The following ARHGEF11 variants were observed in gnomAD, a reference collection of about 807,000 sequenced individuals.
ARHGEF11 encodes Rho guanine exchange factor (GEF) 11.
A neutral mutation model predicts 193.7 loss-of-function variants in ARHGEF11; 55 were observed. The observed-to-expected ratio is 0.28, with a 90% CI of 0.23 to 0.36. The LOEUF (loss-of-function observed/expected upper bound fraction) is 0.36, where lower values mean the gene tolerates loss of function less well. ARHGEF11 is among the 10% of genes least tolerant of loss of function. The probability of loss-of-function intolerance (pLI) is 1.00; values close to 1 mark genes in which losing one functional copy is unlikely to be tolerated. For synonymous variants in ARHGEF11, 693 were observed against 768.0 expected (o/e 0.90, Z 1.62); for missense variants, 1,723 against 2,005.6 (o/e 0.86, Z 2.69).
intron 7 of ARHGEF11, among the ~76,000 whole-genome samples, chr1:156,973,015 ATT>A (rs765832257): frequency 6.6e-5 from 10 of 152,010 alleles, no homozygotes; most frequent in Non-Finnish European, 1.5e-4. Flanking sequence ...CCACTGCCCC[ATT>A]TGTTTCCCCT....
At chr1:157,010,752 T>G (rs188501189) in intron 1 of ARHGEF11, among the ~76,000 whole-genome samples, 110 of 152,042 alleles carry the variant, frequency 7.2e-4, no homozygotes, top group African/African-American at 2.5e-3. Context: ...AATACAAAAA[T>G]GAAATTAAGA....
At chr1:156,969,249 G>A (rs767417571) in intron 10 of ARHGEF11, 33 bp downstream of exon 10, 32 of 1,560,158 alleles carry the variant, frequency 2.1e-5, no homozygotes, top group Admixed American at 7.4e-5. Context: ...CCGAATGCAC[G>A]TTCTGAATGG....
intron 1 of ARHGEF11, among the ~76,000 whole-genome samples, chr1:156,991,483 C>G (rs1325279758): frequency 6.6e-6 from 1 of 151,832 alleles, no homozygotes; most frequent in Non-Finnish European, 1.5e-5. Context: ...CCACGCCTGG[C>G]TAATTTTCGT....
intron 11 of ARHGEF11, among the ~76,000 whole-genome samples, chr1:156,963,948 GC>G (rs1381224451): frequency 6.6e-6 from 1 of 152,144 alleles, no homozygotes; most frequent in Non-Finnish European, 1.5e-5. Context: ...TGGGTTGGGG[GC>G]TGTTTTACTT....
chr1:156,994,230 C>T (rs774527411), intron 1 of ARHGEF11, among the ~76,000 whole-genome samples: 10 of 152,162 alleles, frequency 6.6e-5, no homozygotes, highest in Admixed American at 3.9e-4. Flanking sequence ...CAGCTGAGTT[C>T]CAGCACAGTG....
At chr1:157,024,493 A>T (rs1670410516) in intron 1 of ARHGEF11, among the ~76,000 whole-genome samples, 1 of 152,244 alleles carries the variant, frequency 6.6e-6, no homozygotes, top group Non-Finnish European at 1.5e-5. Flanking sequence ...AGGGATTATT[A>T]TGATACAAAA....
rs1657874885 is a variant in ARHGEF11 at position 156,945,110 on chromosome 1, G to A, written c.2900C>T (p.Thr967Ile). ...GCCCTCTAAACGGTGGCGGTTCTCTGTTTGTTTTACCGCTTCATTCACATA... is the reference window on the plus strand; with the variant it reads ...GCCCTCTAAACGGTGGCGGTTCTCTATTTGTTTTACCGCTTCATTCACATA... ...LKYVNEAVKQ[T>I]ENRHRLEGYQ... The change falls in exon 30 of 41, where the codon ACA becomes ATA. Residue 967 changes from threonine (T) to isoleucine (I), a missense_variant. Physicochemically the swap from Thr to Ile is moderately conservative, Grantham distance 89 (BLOSUM62 -1). Coordinates refer to ENST00000368194, the MANE Select transcript of ARHGEF11 (RefSeq NM_198236.3). 6.2e-7 allele frequency: 1 copy of A among 1,614,072 alleles called. No homozygotes were observed. The highest frequency in any genetic ancestry group is 8.5e-7 in the Non-Finnish European group (1 of 1,180,034).
At chr1:156,949,125 C>T in intron 22 of ARHGEF11, 1 of 985,050 alleles carries the variant, frequency 1.0e-6, no homozygotes, top group Non-Finnish European at 1.2e-6. Flanking sequence ...CTTAACAATA[C>T]TGTTCCTAAG....
At chr1:156,940,455 A>G in intron 35 of ARHGEF11, 30 bp from the exon 36 acceptor site, 4 of 1,574,360 alleles carry the variant, frequency 2.5e-6, no homozygotes, top group Non-Finnish European at 2.6e-6. Context: ...ATTGTAAGGC[A>G]GGGAAAGGGA....
chr1:157,013,214 A>G (rs1668754431), intron 1 of ARHGEF11, among the ~76,000 whole-genome samples: 1 of 139,808 alleles, frequency 7.2e-6, no homozygotes. Flanking sequence ...TTTCCCTTCC[A>G]TCATGTACTT....
intron 1 of ARHGEF11, among the ~76,000 whole-genome samples, chr1:156,991,927 G>A (rs889186255): frequency 2.0e-5 from 3 of 150,124 alleles, no homozygotes; most frequent in Non-Finnish European, 4.4e-5. Flanking sequence ...CGTTTTAGCC[G>A]GGATGGTCTC....
intron 1 of ARHGEF11, among the ~76,000 whole-genome samples, chr1:157,016,409 A>T (rs999697189): frequency 9.2e-5 from 14 of 152,036 alleles, no homozygotes; most frequent in Admixed American, 9.2e-4. Context: ...TAGTAGAGAC[A>T]GGGTTTCACC....
chr1:157,031,875 G>C (rs1008191946), intron 1 of ARHGEF11, among the ~76,000 whole-genome samples: 6 of 152,188 alleles, frequency 3.9e-5, no homozygotes, highest in Non-Finnish European at 8.8e-5. Context: ...GTAACCACGT[G>C]TTAAGAGCTC....
intron 32 of ARHGEF11, among the ~76,000 whole-genome samples, chr1:156,943,296 A>T (rs1280179949): frequency 6.6e-6 from 1 of 152,132 alleles, no homozygotes; most frequent in Non-Finnish European, 1.5e-5. Flanking sequence ...CCTGACCTCA[A>T]GTGATCTGAG....
intron 1 of ARHGEF11, among the ~76,000 whole-genome samples, chr1:157,033,819 T>C (rs1671586357): frequency 1.3e-5 from 2 of 152,188 alleles, no homozygotes; most frequent in African/African-American, 4.8e-5. Context: ...AGCTTTTATT[T>C]TTTGGCCTCA....
intron 1 of ARHGEF11, 50 bp downstream of exon 1, chr1:157,044,249 C>CA: frequency 6.4e-7 from 1 of 1,561,484 alleles, no homozygotes; most frequent in Non-Finnish European, 8.8e-7. Context: ...CCACCCCTCC[C>CA]AGTCTTTCCT....
Position 156,958,784 on chromosome 1 carries a change from C to T in ARHGEF11, c.1460G>A (p.Arg487His), listed in dbSNP as rs142957547. The T allele has an allele frequency of 4.6e-3, 7,499 of 1,614,120 alleles. 35 individuals are homozygous for T. The highest frequency in any genetic ancestry group is 4.8e-3 in the Non-Finnish European group (5,610 of 1,180,004). The change falls in exon 17 of 41, where the codon CGC becomes CAC. Residue 487 changes from arginine to histidine, a missense_variant. Transcript: ENST00000368194. ...LDLDGDPLRE[R>H]QVAEKQLAAL... The stretch of plus-strand genomic sequence containing the variant: ...AGCCAGCTGCTTCTCAGCCACTTGG[C>T]GCTCTCGGAGAGGGTCCCCATCCAG...
chr1:157,025,526 T>C (rs1670538165), intron 1 of ARHGEF11, among the ~76,000 whole-genome samples: 1 of 152,162 alleles, frequency 6.6e-6, no homozygotes, highest in South Asian at 2.1e-4. Context: ...CACCACATCT[T>C]CCTGAACATG....
At chr1:156,991,090 T>C (rs1030153710) in intron 1 of ARHGEF11, among the ~76,000 whole-genome samples, 3 of 152,220 alleles carry the variant, frequency 2.0e-5, no homozygotes, top group Non-Finnish European at 2.9e-5. Context: ...TTTGTCTTCC[T>C]TTTCTCATAT....
Sources: gnomAD v4.1 joint callset for allele counts (sites outside exome capture counted in the v4.1 genomes callset) on GRCh38, gnomAD v4.1.1 for gene constraint, MANE v1.5 for transcripts, NCBI Gene and HGNC (gene_info 2026-07-23, HGNC 2026-07-21) for gene names.